The following CHST9 variants were observed in gnomAD, a reference collection of about 807,000 sequenced individuals.
CHST9 encodes the protein GalNAc-4-sulfotransferase 2.
A neutral mutation model predicts 44.4 loss-of-function variants in CHST9; 41 were observed. The observed-to-expected ratio is 0.92, with a 90% CI of 0.72 to 1.20. The LOEUF is 1.20. Among genes scored for constraint, CHST9 ranks in the 50% most tolerant of loss-of-function variants. The probability of loss-of-function intolerance (pLI) is 0.00; values close to 1 mark genes in which losing one functional copy is unlikely to be tolerated. For missense variants in CHST9, 504 were observed against 516.5 expected, an observed-to-expected ratio of 0.98 and a Z score of 0.23; for synonymous variants, 171 against 178.4, an observed-to-expected ratio of 0.96 and a Z score of 0.33.
chr18:26,953,038 A>T (rs1371409491), intron 4 of CHST9, among the ~76,000 whole-genome samples: 2 of 152,144 alleles, frequency 1.3e-5, no homozygotes, highest in Non-Finnish European at 2.9e-5. Flanking sequence ...ACAACCAGGG[A>T]CCATGATTTT....
intron 2 of CHST9, among the ~76,000 whole-genome samples, chr18:27,084,255 G>A (rs1051581239): frequency 3.4e-4 from 51 of 152,018 alleles, no homozygotes; most frequent in Admixed American, 5.2e-4. Flanking sequence ...GTAGAATTTG[G>A]CTATGAATCC....
At chr18:27,093,662 G>A (rs1183414796) in intron 2 of CHST9, among the ~76,000 whole-genome samples, 2 of 152,192 alleles carry the variant, frequency 1.3e-5, no homozygotes, top group Admixed American at 6.5e-5. Flanking sequence ...GGCTTCCCTT[G>A]GCTAGGAAAG....
At chr18:26,946,245 T>G (rs2056161056) in intron 4 of CHST9, among the ~76,000 whole-genome samples, 1 of 152,226 alleles carries the variant, frequency 6.6e-6, no homozygotes, top group Non-Finnish European at 1.5e-5. Context: ...TGTTTAAATG[T>G]GGGCTCCCCA....
At chr18:27,170,860 A>G (rs1289665254) in intron 1 of CHST9, among the ~76,000 whole-genome samples, 2 of 152,376 alleles carry the variant, frequency 1.3e-5, no homozygotes, top group East Asian at 3.8e-4. Context: ...AAATAATATT[A>G]GTCCCAAAAG....
chr18:26,970,116 G>A (rs1275450036), intron 4 of CHST9, among the ~76,000 whole-genome samples: 1 of 152,124 alleles, frequency 6.6e-6, no homozygotes, highest in Non-Finnish European at 1.5e-5. Context: ...AGATTATCAT[G>A]TCTGCCTCTA....
chr18:27,015,453 G>A (rs927353154), intron 4 of CHST9, among the ~76,000 whole-genome samples: 4 of 151,836 alleles, frequency 2.6e-5, no homozygotes, highest in African/African-American at 9.7e-5. Flanking sequence ...TGGAATCAAG[G>A]AGGGGACACT....
intron 5 of CHST9, among the ~76,000 whole-genome samples, chr18:26,923,113 G>A (rs1022582198): frequency 3.3e-5 from 5 of 152,126 alleles, no homozygotes; most frequent in East Asian, 1.9e-4. Context: ...AGACAAGTGC[G>A]GACTTTATTC....
At chr18:27,061,183 C>T (rs914606652) in intron 2 of CHST9, among the ~76,000 whole-genome samples, 2 of 152,054 alleles carry the variant, frequency 1.3e-5, no homozygotes, top group African/African-American at 4.8e-5. Context: ...GGGAACACAC[C>T]CCAAGGATGA....
At chr18:26,980,517 C>A (rs1191499714) in intron 4 of CHST9, among the ~76,000 whole-genome samples, 3 of 152,106 alleles carry the variant, frequency 2.0e-5, no homozygotes, top group Non-Finnish European at 4.4e-5. Context: ...CTATAATGTT[C>A]GATTATTCAA....
Position 27,158,413 on chromosome 18 carries a change from G to A in CHST9, c.-96-15508C>T, listed in dbSNP as rs1486507873. Among the ~76,000 whole-genome samples, 6 of 151,704 alleles carry A rather than the reference G, an allele frequency of 4.0e-5. No homozygotes were observed. In the South Asian group the frequency reaches 1.3e-3, roughly 32 times the overall value. Reference sequence around the variant, plus strand: ...AATGATGGTTTTCAGCTTCATCCATGTCCCTACAAAGGACATGAACTCATC... The same window carrying A: ...AATGATGGTTTTCAGCTTCATCCATATCCCTACAAAGGACATGAACTCATC... On this transcript the variant is annotated intron_variant, in intron 1 of 5. Coordinates refer to ENST00000618847, the MANE Select transcript of CHST9 (RefSeq NM_031422.6).
At chr18:27,134,399 T>A (rs1008751608) in intron 2 of CHST9, among the ~76,000 whole-genome samples, 1 of 152,196 alleles carries the variant, frequency 6.6e-6, no homozygotes, top group Non-Finnish European at 1.5e-5. Flanking sequence ...TTGCAGCTAC[T>A]ACTTTTCATT....
In CHST9 at chr18:26,977,961, T is replaced by A. The variant is rs28645860; in HGVS notation, c.203-33595A>T. ...GCTCAGCAGGAGTATAGAAATACTC[T>A]TATGTTCATCAGTGAATGCTAAATG... On this transcript the variant is annotated intron_variant, in intron 4 of 5. Transcript: ENST00000618847. Among the ~76,000 whole-genome samples the A allele has an allele frequency of 7.0e-3, 1,072 of 152,172 alleles. 14 individuals are homozygous for A. Among genetic ancestry groups the A allele is most frequent in the African/African-American group, 0.025 (1,026 of 41,492 alleles).
intron 3 of CHST9, among the ~76,000 whole-genome samples, chr18:27,027,141 T>C (rs2057292874): frequency 6.6e-6 from 1 of 152,238 alleles, no homozygotes; most frequent in Non-Finnish European, 1.5e-5. Context: ...GGTGTACTTT[T>C]CTCAAAGAAT....
At chr18:26,960,974 G>A (rs1245600323) in intron 4 of CHST9, among the ~76,000 whole-genome samples, 1 of 152,154 alleles carries the variant, frequency 6.6e-6, no homozygotes, top group Non-Finnish European at 1.5e-5. Context: ...TTATAGCAAT[G>A]GCTAGTATTC....
chr18:27,093,754 C>G lies in CHST9; in HGVS notation c.122-45251G>C, dbSNP rs117173921. On this transcript the variant is annotated intron_variant, in intron 2 of 5. Transcript: ENST00000618847. ...GCTCGCCCTCCATGGGCTGCACCCA[C>G]TGTCAAACCAGTCCCAGTGAAATGA... Among the ~76,000 whole-genome samples the G allele has an allele frequency of 4.0e-4, 61 of 152,354 alleles. No individual in the cohort carries two copies. In the East Asian group the frequency reaches 7.0e-3, roughly 17 times the overall value.
At chr18:27,057,854 T>C (rs900387653) in intron 2 of CHST9, among the ~76,000 whole-genome samples, 11 of 152,210 alleles carry the variant, frequency 7.2e-5, no homozygotes, top group African/African-American at 2.4e-4. Flanking sequence ...AAAATCAGTA[T>C]GAGAAACAAC....
chr18:26,965,334 T>C (rs980819645), intron 4 of CHST9, among the ~76,000 whole-genome samples: 1 of 152,204 alleles, frequency 6.6e-6, no homozygotes, highest in African/African-American at 2.4e-5. Flanking sequence ...TGTAGCTCCA[T>C]AGCAGTGCCA....
intron 4 of CHST9, among the ~76,000 whole-genome samples, chr18:26,969,574 A>G (rs2056515020): frequency 6.6e-6 from 1 of 152,190 alleles, no homozygotes; most frequent in Non-Finnish European, 1.5e-5. Context: ...CGCACACAGC[A>G]ATGAATAAGG....
chr18:26,972,788 C>T (rs1176053807), intron 4 of CHST9, among the ~76,000 whole-genome samples: 1 of 152,194 alleles, frequency 6.6e-6, no homozygotes, highest in African/African-American at 2.4e-5. Flanking sequence ...CCGGGGATGG[C>T]GCTTTTCCTT....
Sources: allele counts gnomAD v4.1 joint callset (sites outside exome capture counted in the v4.1 genomes callset), GRCh38; gene constraint gnomAD v4.1.1; transcripts MANE v1.5; gene names NCBI Gene and HGNC (gene_info 2026-07-23, HGNC 2026-07-21).